The following RNF157 variants were observed in gnomAD, a reference collection of about 807,000 sequenced individuals.
RNF157 encodes the protein ring finger protein 157.
In RNF157, 55 loss-of-function variants were observed where a neutral mutation model predicts 88.3. The observed-to-expected ratio is 0.62, with a 90% CI of 0.50 to 0.78. The LOEUF is 0.78. Ranked by LOEUF, RNF157 falls within the 30% of genes least tolerant of loss-of-function variation. The pLI is 0.00. For synonymous variants in RNF157, 334 were observed against 341.2 expected (o/e 0.98, Z 0.23); for missense variants, 788 against 860.8 (o/e 0.92, Z 1.06).
intron 2 of RNF157, among the ~76,000 whole-genome samples, chr17:76,196,165 C>T (rs2069474700): frequency 6.6e-6 from 1 of 152,212 alleles, no homozygotes; most frequent in African/African-American, 2.4e-5. Flanking sequence ...CTGTTTTCTT[C>T]CACCACTGGC....
rs776778778 is a variant in RNF157, at chr17:76,154,311, C to G, written c.1782G>C (p.Glu594Asp). 6.2e-7 allele frequency: 1 copy of G among 1,612,256 alleles called. No homozygotes were observed. Among genetic ancestry groups the G allele is most frequent in the African/African-American group, 1.3e-5 (1 of 74,870 alleles). ...EQDAEGNDVI[E>D]EEDGSPTQEG... is the part of the protein sequence containing the mutation. ...CCTGCGTGGGTGATCCATCCTCTTC[C>G]TCTATAACATCATTTCCCTAGGACA... is the stretch of plus-strand genomic sequence containing the variant. The change falls in exon 17 of 19, where the codon GAG becomes GAC. Residue 594 changes from glutamate to aspartate, a missense_variant. Glu to Asp is a conservative substitution (Grantham distance 45). Transcript: ENST00000269391.
chr17:76,155,484 G>T, intron 15 of RNF157, 78 bp downstream of exon 15: 1 of 1,553,286 alleles, frequency 6.4e-7, no homozygotes, highest in Non-Finnish European at 8.8e-7. Flanking sequence ...GCCATGCATG[G>T]CAGACCTTTG....
chr17:76,190,659 C>T (rs1347263061), intron 2 of RNF157, among the ~76,000 whole-genome samples: 3 of 151,256 alleles, frequency 2.0e-5, no homozygotes, highest in Non-Finnish European at 4.4e-5. Context: ...ATGGCTCACG[C>T]CTGTAATCCC....
intron 2 of RNF157, among the ~76,000 whole-genome samples, chr17:76,190,977 C>T (rs2069376208): frequency 6.7e-6 from 1 of 150,224 alleles, no homozygotes; most frequent in Admixed American, 6.6e-5. Flanking sequence ...TTTGGGAGGC[C>T]AGGAGTTCAA....
chr17:76,214,378 G>A (rs534124917), intron 1 of RNF157, among the ~76,000 whole-genome samples: 3 of 152,164 alleles, frequency 2.0e-5, no homozygotes, highest in South Asian at 2.1e-4. Flanking sequence ...ATCCGCAGAC[G>A]CACACATTTC....
chr17:76,170,295 G>GTCC, intron 3 of RNF157, among the ~76,000 whole-genome samples: 1 of 151,810 alleles, frequency 6.6e-6, no homozygotes, highest in African/African-American at 2.4e-5. Flanking sequence ...TGCTGTGATC[G>GTCC]TGACTCATTG....
chr17:76,212,076 G>T, intron 2 of RNF157: 1 of 223,762 alleles, frequency 4.5e-6, no homozygotes, highest in Non-Finnish European at 8.7e-6. Flanking sequence ...AAAAAAAAAA[G>T]GTAAGCCCTT....
intron 18 of RNF157, 172 bp from the exon 19 acceptor site, chr17:76,145,525 T>A (rs552158506): frequency 3.5e-6 from 2 of 577,790 alleles, no homozygotes; most frequent in South Asian, 4.5e-5. Context: ...GAGAAGCAGG[T>A]GCTGACAGGT....
intron 1 of RNF157, among the ~76,000 whole-genome samples, chr17:76,218,571 A>G (rs757979686): frequency 5.3e-5 from 8 of 151,964 alleles, no homozygotes; most frequent in Non-Finnish European, 1.2e-4. Context: ...CTGGAGGTCA[A>G]GGCAGGAGTG....
intron 1 of RNF157, among the ~76,000 whole-genome samples, chr17:76,237,806 C>T (rs1298159033): frequency 2.6e-5 from 4 of 151,958 alleles, no homozygotes; most frequent in African/African-American, 7.3e-5. Flanking sequence ...CTTGCCTGGG[C>T]GTGGTAGCTC....
At chr17:76,155,458 T>C in intron 15 of RNF157, 104 bp downstream of exon 15, 1 of 1,484,824 alleles carries the variant, frequency 6.7e-7, no homozygotes, top group East Asian at 2.3e-5. Context: ...ACTCCTGGCA[T>C]TTTGGGGGCT....
intron 2 of RNF157, among the ~76,000 whole-genome samples, chr17:76,181,926 G>T (rs1024539595): frequency 8.8e-4 from 122 of 139,058 alleles, no homozygotes; most frequent in Non-Finnish European, 1.3e-3. Context: ...AAAAAAAAAA[G>T]AATAAATAAA....
chr17:76,152,244 C>T, intron 18 of RNF157, 111 bp downstream of exon 18: 1 of 749,424 alleles, frequency 1.3e-6, no homozygotes, highest in Non-Finnish European at 2.4e-6. Flanking sequence ...ACACCCCAGG[C>T]CTTCTTGGCA....
At chr17:76,165,411 T>C (rs1052543345) in intron 7 of RNF157, 91 bp downstream of exon 7, 4 of 1,330,678 alleles carry the variant, frequency 3.0e-6, no homozygotes, top group African/African-American at 2.9e-5. Flanking sequence ...CCCATTCTGC[T>C]GAGCTCAGGC....
Position 76,158,393 on chromosome 17 carries a change from CT to C in RNF157, c.1412del (p.Glu471GlyfsTer5), listed in dbSNP as rs764461259. 1.2e-6 allele frequency: 2 copies of C among 1,605,822 alleles called. No homozygotes were observed. Among genetic ancestry groups the C allele is most frequent in the South Asian group, 2.2e-5 (2 of 90,932 alleles). On this transcript the variant is annotated frameshift_variant and splice_region_variant, in exon 13 of 19. Transcript: ENST00000269391. LOFTEE classifies it high-confidence loss of function. ...SQRPSVQHLG[E>X]ECGVTPESEN... ...AGAAGAGGAGAGGAATGTCAATTAC[CT>C]CTCCGAGATGCTGAACCGACGGTCT... is the stretch of plus-strand genomic sequence containing the variant.
intron 4 of RNF157, 27 bp downstream of exon 4, chr17:76,167,624 G>C: frequency 6.2e-7 from 1 of 1,613,542 alleles, no homozygotes; most frequent in Non-Finnish European, 8.5e-7. Flanking sequence ...TGGGAAGGAA[G>C]TGGCTCTCCT....
At chr17:76,204,782 C>CA (rs1555659839) in intron 2 of RNF157, among the ~76,000 whole-genome samples, 3 of 139,756 alleles carry the variant, frequency 2.1e-5, no homozygotes, top group Non-Finnish European at 3.1e-5. Flanking sequence ...TTCTTTCTTT[C>CA]TTTTTTTTTT....
chr17:76,166,306 T>C (rs1229319661), intron 6 of RNF157, among the ~76,000 whole-genome samples, 155 bp downstream of exon 6: 1 of 152,162 alleles, frequency 6.6e-6, no homozygotes, highest in Non-Finnish European at 1.5e-5. Context: ...GCCCAGGAGC[T>C]TGGAGTCACA....
intron 2 of RNF157, among the ~76,000 whole-genome samples, chr17:76,205,948 G>A (rs1048394660): frequency 2.6e-5 from 4 of 152,194 alleles, no homozygotes; most frequent in Non-Finnish European, 5.9e-5. Flanking sequence ...GGCAGGCAGA[G>A]GTGGGGCACA....
Sources: allele counts gnomAD v4.1 joint callset (sites outside exome capture counted in the v4.1 genomes callset), GRCh38; gene constraint gnomAD v4.1.1; transcripts MANE v1.5; gene names NCBI Gene and HGNC (gene_info 2026-07-23, HGNC 2026-07-21).